Variants in PSMB2 observed in about 807,000 individuals in gnomAD.
PSMB2 encodes proteasome subunit beta type-2.
PSMB2 carries 13 observed loss-of-function variants against 25.7 expected under a neutral mutation model. The observed-to-expected ratio is 0.51, with a 90% CI of 0.33 to 0.80. PSMB2 has a LOEUF of 0.80. PSMB2 is among the 30% of genes least tolerant of loss of function. The pLI is 0.02. For missense variants in PSMB2, 202 were observed against 259.0 expected (o/e 0.78, Z 1.51); for synonymous variants, 87 against 96.2 (o/e 0.90, Z 0.56).
intron 3 of PSMB2, among the ~76,000 whole-genome samples, chr1:35,624,220 G>T (rs1650781076): frequency 1.3e-5 from 2 of 152,118 alleles, no homozygotes; most frequent in African/African-American, 4.8e-5. Context: ...CTTGACATAA[G>T]ATTTTTAAAT....
chr1:35,603,572 G>A (rs1331387959), intron 5 of PSMB2, among the ~76,000 whole-genome samples, 198 bp from the exon 6 acceptor site: 2 of 152,152 alleles, frequency 1.3e-5, no homozygotes, highest in African/African-American at 4.8e-5. Flanking sequence ...GAGGATGACT[G>A]GGAGGCAGGG....
rs767170085 is a variant in PSMB2 at position 35,631,312 on chromosome 1, A to C, written c.247T>G (p.Phe83Val). 3.7e-6 allele frequency: 6 copies of C among 1,614,066 alleles called. No homozygotes were observed. The highest frequency in any genetic ancestry group is 4.2e-6 in the Non-Finnish European group (5 of 1,180,022). ...CAGTCAGCCAGGTTTCGGCGTGTGAAGTTAGCTGCTGCCGTGGGAGACAAT... is the reference window on the plus strand; with the variant it reads ...CAGTCAGCCAGGTTTCGGCGTGTGACGTTAGCTGCTGCCGTGGGAGACAAT... ...YELSPTAAAN[F>V]TRRNLADCLR... Residue 83 changes from phenylalanine (F) to valine (V), a missense_variant, in exon 3 of 6, where the codon TTC (phenylalanine) becomes GTC (valine). Physicochemically the swap from Phe to Val is conservative, Grantham distance 50. Transcript: ENST00000373237.
intron 3 of PSMB2, among the ~76,000 whole-genome samples, chr1:35,613,441 C>T (rs752863600): frequency 6.6e-6 from 1 of 151,884 alleles, no homozygotes; most frequent in Admixed American, 6.6e-5. Flanking sequence ...GATCCTTAAG[C>T]CCCGGCATAC....
intron 1 of PSMB2, among the ~76,000 whole-genome samples, chr1:35,637,782 ACAC>A (rs1651286225): frequency 6.6e-6 from 1 of 152,200 alleles, no homozygotes; most frequent in Non-Finnish European, 1.5e-5. Flanking sequence ...TCCTAAACAA[ACAC>A]ACTTTTATTT....
intron 3 of PSMB2, among the ~76,000 whole-genome samples, chr1:35,609,694 AG>A (rs1650275162): frequency 2.0e-5 from 3 of 152,232 alleles, no homozygotes; most frequent in Admixed American, 1.3e-4. Flanking sequence ...CCTGTATAAA[AG>A]CACTTCTTCA....
Position 35,600,097 on chromosome 1 carries a change from C to T in PSMB2, c.*3170G>A, listed in dbSNP as rs150416036. On this transcript the variant is annotated 3_prime_UTR_variant, in exon 6 of 6. Coordinates refer to ENST00000373237, the MANE Select transcript of PSMB2 (RefSeq NM_002794.5). ...TGAACTTACTGCAGTAAGCTACGAT[C>T]GTGCCACTGTACTCCAGCCTAGGTG... 6,556 of 857,552 alleles carry T rather than the reference C, an allele frequency of 7.6e-3. 33 individuals carry two copies. Among genetic ancestry groups the T allele is most frequent in the South Asian group, 0.01 (186 of 18,596 alleles). 53.1% of individuals were successfully genotyped at this position (857,552 alleles called of 1,614,324 possible).
chr1:35,605,192 G>T, intron 5 of PSMB2, 41 bp downstream of exon 5: 1 of 1,567,246 alleles, frequency 6.4e-7, no homozygotes, highest in South Asian at 1.2e-5. Context: ...GGCAAACAGA[G>T]AGACAAACAT....
intron 4 of PSMB2, 47 bp from the exon 5 acceptor site, chr1:35,605,329 T>G: frequency 1.3e-6 from 2 of 1,568,470 alleles, no homozygotes; most frequent in African/African-American, 1.4e-5. Context: ...TGTCATTATA[T>G]CCAACTCTCA....
intron 3 of PSMB2, among the ~76,000 whole-genome samples, chr1:35,628,629 A>ATTTTTTTTT (rs1401010119): frequency 2.3e-5 from 1 of 43,588 alleles, no homozygotes; most frequent in Admixed American, 4.3e-4. Context: ...ATATATATAT[A>ATTTTTTTTT]TATTTTTTTT....
rs1241102782 is a variant in PSMB2, at chr1:35,601,008, C to T, written c.*2259G>A. ...AAATCATGTAGCAGGATAGTCTGTG[C>T]TTTAGTAGCAGCACTCCACTGGGTA... On this transcript the variant is annotated 3_prime_UTR_variant, in exon 6 of 6. Coordinates refer to ENST00000373237, the MANE Select transcript of PSMB2 (RefSeq NM_002794.5). 1 of 980,234 alleles carries T rather than the reference C, an allele frequency of 1.0e-6. No individual in the cohort carries two copies. Among genetic ancestry groups the T allele is most frequent in the Non-Finnish European group, 1.2e-6 (1 of 829,124 alleles). 60.7% of individuals were successfully genotyped at this position (980,234 alleles called of 1,614,324 possible). A position where few individuals can be genotyped will look rare whatever the true frequency, so the allele number is the denominator to read the frequency against.
intron 4 of PSMB2, among the ~76,000 whole-genome samples, chr1:35,608,722 A>T (rs1277607783): frequency 1.3e-5 from 2 of 152,210 alleles, no homozygotes; most frequent in African/African-American, 4.8e-5. Context: ...GGAGGCAGCC[A>T]TTAGGTGACA....
rs892793673 is a variant in PSMB2, at chr1:35,601,718, G to T, written c.*1549C>A. On this transcript the variant is annotated 3_prime_UTR_variant, in exon 6 of 6. Coordinates refer to ENST00000373237, the MANE Select transcript of PSMB2 (RefSeq NM_002794.5). ...GGAGCACAGAATTGGATAAAGTAGG[G>T]TTTATCTTAGTCGGAGACCAAATGG... 1.7e-5 allele frequency: 17 copies of T among 985,276 alleles called. No individual in the cohort carries two copies. The highest frequency in any genetic ancestry group is 2.0e-5 in the Non-Finnish European group (17 of 829,918). The allele number at this position is 985,276 out of a possible 1,614,324, so 61.0% of individuals were successfully genotyped here.
intron 3 of PSMB2, among the ~76,000 whole-genome samples, chr1:35,628,961 G>C (rs909999741): frequency 6.6e-6 from 1 of 152,090 alleles, no homozygotes; most frequent in African/African-American, 2.4e-5. Flanking sequence ...CAGTGTTCTA[G>C]AAACACTACT....
At chr1:35,631,372 T>C (rs767787185) in intron 2 of PSMB2, 28 bp from the exon 3 acceptor site, 7 of 1,611,980 alleles carry the variant, frequency 4.3e-6, no homozygotes, top group Non-Finnish European at 5.9e-6. Flanking sequence ...GAGTCATACT[T>C]AAAGTAAAGC....
Position 35,601,394 on chromosome 1 carries a change from T to C in PSMB2, c.*1873A>G. 2 of 985,256 alleles carry C rather than the reference T, an allele frequency of 2.0e-6. No homozygotes were observed. Among genetic ancestry groups the C allele is most frequent in the Non-Finnish European group, 2.4e-6 (2 of 829,886 alleles). 61.0% of individuals were successfully genotyped at this position (985,256 alleles called of 1,614,324 possible). A position where few individuals can be genotyped will look rare whatever the true frequency, so the allele number is the denominator to read the frequency against. ...CGGCCAACCTGTGGCACTTTTAAAA[T>C]AGATGCCTTACACTCAGGAATCTAG... On this transcript the variant is annotated 3_prime_UTR_variant, in exon 6 of 6. Coordinates refer to ENST00000373237, the MANE Select transcript of PSMB2 (RefSeq NM_002794.5).
rs116490144 is a variant in PSMB2 at position 35,611,951 on chromosome 1, T to A, written c.286-2543A>T. On this transcript the variant is annotated intron_variant, in intron 3 of 5. Coordinates refer to ENST00000373237, the MANE Select transcript of PSMB2 (RefSeq NM_002794.5). ...CTCCCAAAGTGCTGGGATGACAGTC[T>A]TGAGCCACCGTGCCTAGCATGAAAC... Among the ~76,000 whole-genome samples the A allele has an allele frequency of 3.3e-3, 506 of 152,266 alleles. 6 individuals are homozygous for A. The highest frequency in any genetic ancestry group is 0.012 in the African/African-American group (494 of 41,548).
intron 3 of PSMB2, among the ~76,000 whole-genome samples, chr1:35,630,351 C>CA (rs922931239): frequency 1.7e-4 from 26 of 150,722 alleles, no homozygotes; most frequent in South Asian, 8.4e-4. Context: ...GGTATTTACG[C>CA]AAAAAAAAAC....
chr1:35,600,816 C>T lies in PSMB2; in HGVS notation c.*2451G>A. 1 of 985,390 alleles carries T rather than the reference C, an allele frequency of 1.0e-6. No individual in the cohort carries two copies. Among genetic ancestry groups the T allele is most frequent in the Non-Finnish European group, 1.2e-6 (1 of 829,934 alleles). 61.0% of individuals were successfully genotyped at this position (985,390 alleles called of 1,614,324 possible). ...TCAAAGGCAGAGAACCGTATGTCATCCCTGGTGAGGCCTGAATGCAGAATA... is the reference window on the plus strand; with the variant it reads ...TCAAAGGCAGAGAACCGTATGTCATTCCTGGTGAGGCCTGAATGCAGAATA... On this transcript the variant is annotated 3_prime_UTR_variant, in exon 6 of 6. Coordinates refer to ENST00000373237, the MANE Select transcript of PSMB2 (RefSeq NM_002794.5).
Position 35,641,485 on chromosome 1 carries a change from T to G in PSMB2, c.-53A>C. On this transcript the variant is annotated 5_prime_UTR_variant, in exon 1 of 6. Transcript: ENST00000373237. Reference sequence around the variant, plus strand: ...CCGACACAGCACGAGACTCGCCCGCTTCCAGGTCTCACCGGTGAGACAGCA... The same window carrying G: ...CCGACACAGCACGAGACTCGCCCGCGTCCAGGTCTCACCGGTGAGACAGCA... 2.5e-6 allele frequency: 4 copies of G among 1,611,798 alleles called. No homozygotes were observed. Among genetic ancestry groups the G allele is most frequent in the Non-Finnish European group, 3.4e-6 (4 of 1,178,800 alleles).
Sources: gnomAD v4.1 joint callset for allele counts (sites outside exome capture counted in the v4.1 genomes callset) on GRCh38, gnomAD v4.1.1 for gene constraint, MANE v1.5 for transcripts, NCBI Gene and HGNC (gene_info 2026-07-23, HGNC 2026-07-21) for gene names.